PPP5C: variants seen among roughly 807,000 people sequenced by gnomAD.
PPP5C encodes the protein protein phosphatase 5 catalytic subunit, also known as serine/threonine-protein phosphatase 5.
In PPP5C, 21 loss-of-function variants were observed where a neutral mutation model predicts 66.7. The ratio of observed to expected loss-of-function variants is 0.31; its 90% CI spans 0.22 to 0.45. PPP5C has a LOEUF of 0.45. Ranked by LOEUF, PPP5C falls within the 20% of genes least tolerant of loss-of-function variation. The pLI, the probability that PPP5C is intolerant of heterozygous loss-of-function variation, is 1.00. For synonymous variants in PPP5C, 246 were observed against 257.4 expected (o/e 0.96, Z 0.43); for missense variants, 464 against 675.9 (o/e 0.69, Z 3.48).
chr19:46,390,646 G>GCC lies in PPP5C; in HGVS notation c.*305_*306dup, dbSNP rs145421809. 5 of 1,282,704 alleles carry GCC rather than the reference G, an allele frequency of 3.9e-6. No individual in the cohort carries two copies. The African/African-American group carries it at 7.6e-5, about 19-fold the overall frequency. 79.5% of individuals were successfully genotyped at this position (1,282,704 alleles called of 1,614,324 possible). On this transcript the variant is annotated 3_prime_UTR_variant, in exon 13 of 13. Coordinates refer to ENST00000012443, the MANE Select transcript of PPP5C (RefSeq NM_006247.4). ...TGGGGTGGGGCCGAGTGGCTGCCCT[G>GCC]CCCCCCTCATTTGCATGGCTCCTCC... is the stretch of plus-strand genomic sequence containing the variant.
At chr19:46,374,443 C>CA (rs528269791) in intron 2 of PPP5C, among the ~76,000 whole-genome samples, 1 of 151,858 alleles carries the variant, frequency 6.6e-6, no homozygotes, top group Non-Finnish European at 1.5e-5. Context: ...GCAGGTCAGA[C>CA]GGGGGTCTAC....
Position 46,376,199 on chromosome 19 carries a change from AT to A in PPP5C, c.512-253del, listed in dbSNP as rs1352381785. On this transcript the variant is annotated intron_variant, in intron 3 of 12. Coordinates refer to ENST00000012443, the MANE Select transcript of PPP5C (RefSeq NM_006247.4). This position sits in a 1 kb window ranked among gnomAD's most constrained non-coding sequence, Gnocchi z 5.1. ...TTCTAGGAGGGAGATAAGATGATGA[AT>A]AAGTCATGAAATGAATAGTGCTAAG... is the stretch of plus-strand genomic sequence containing the variant. 2.0e-5 allele frequency among the ~76,000 whole-genome samples: 3 copies of A among 152,154 alleles called. No homozygotes were observed. In the East Asian group the frequency reaches 5.8e-4, roughly 29 times the overall value.
At chr19:46,389,631 TGAA>T (rs1327657022) in intron 11 of PPP5C, among the ~76,000 whole-genome samples, 8 of 152,052 alleles carry the variant, frequency 5.3e-5, no homozygotes, top group South Asian at 4.2e-4. Flanking sequence ...ATTTATTTGT[TGAA>T]GAATAGGTTG....
At chr19:46,385,023 C>G in intron 7 of PPP5C, 114 bp downstream of exon 7, 1 of 817,344 alleles carries the variant, frequency 1.2e-6, no homozygotes, top group Non-Finnish European at 2.0e-6. Context: ...AGATCATGCA[C>G]AGGGCGACCT....
At chr19:46,351,773 T>A (rs754641042) in intron 1 of PPP5C, among the ~76,000 whole-genome samples, 7 of 152,196 alleles carry the variant, frequency 4.6e-5, no homozygotes, top group Non-Finnish European at 7.3e-5. Flanking sequence ...CTCCTGGGGC[T>A]TACAGCTCTG....
chr19:46,390,833 A>G lies in PPP5C; in HGVS notation c.*487A>G, dbSNP rs1973010140. On this transcript the variant is annotated 3_prime_UTR_variant, in exon 13 of 13. Coordinates refer to ENST00000012443, the MANE Select transcript of PPP5C (RefSeq NM_006247.4). ...TGTCTGTAATTAAATATGTTAAAAT[A>G]AAGTCATTATCGGAAGTCAGCTTGT... 1 of 1,129,448 alleles carries G rather than the reference A, an allele frequency of 8.9e-7. No individual in the cohort carries two copies. Among genetic ancestry groups the G allele is most frequent in the Non-Finnish European group, 1.1e-6 (1 of 909,042 alleles). The allele number at this position is 1,129,448 out of a possible 1,614,324, so 70.0% of individuals were successfully genotyped here.
chr19:46,353,114 T>A (rs1017515223), intron 1 of PPP5C, among the ~76,000 whole-genome samples: 1 of 152,208 alleles, frequency 6.6e-6, no homozygotes, highest in African/African-American at 2.4e-5. Flanking sequence ...ACAGGGCATT[T>A]GACCTTGAGC....
At chr19:46,387,515 T>G in intron 9 of PPP5C, 62 bp downstream of exon 9, 1 of 1,613,446 alleles carries the variant, frequency 6.2e-7, no homozygotes. Flanking sequence ...AGCTCTCCCC[T>G]GCAACCCAGC....
intron 2 of PPP5C, among the ~76,000 whole-genome samples, chr19:46,354,481 G>A (rs1278053333): frequency 6.6e-6 from 1 of 152,114 alleles, no homozygotes; most frequent in African/African-American, 2.4e-5. Flanking sequence ...TTGCAGGTGA[G>A]GATCTGCACT....
chr19:46,371,881 C>T (rs941542654), intron 2 of PPP5C, among the ~76,000 whole-genome samples: 7 of 152,124 alleles, frequency 4.6e-5, no homozygotes, highest in African/African-American at 9.7e-5. Flanking sequence ...TTCAGAATGC[C>T]CTGTTACACC....
chr19:46,390,360 G>T lies in PPP5C; in HGVS notation c.*14G>T. On this transcript the variant is annotated 3_prime_UTR_variant, in exon 13 of 13. Coordinates refer to ENST00000012443, the MANE Select transcript of PPP5C (RefSeq NM_006247.4). ...GGAATGATGTGAGGTGACGGGCGGG[G>T]CGGCCTGCATCCCAGGGCCCCTCCA... The T allele has an allele frequency of 6.4e-7, 1 of 1,564,294 alleles. No homozygotes were observed. The highest frequency in any genetic ancestry group is 8.7e-7 in the Non-Finnish European group (1 of 1,154,432).
In PPP5C at chr19:46,347,222, G is replaced by T; in HGVS notation, c.121+5G>T. 6.2e-7 allele frequency: 1 copy of T among 1,601,086 alleles called. No individual in the cohort carries two copies. The highest frequency in any genetic ancestry group is 1.1e-5 in the South Asian group (1 of 89,126). On this transcript the variant is annotated splice_donor_5th_base_variant and intron_variant, in intron 1 of 12. Coordinates refer to ENST00000012443, the MANE Select transcript of PPP5C (RefSeq NM_006247.4). The stretch of plus-strand genomic sequence containing the variant: ...AGGCCAATGACTACTTCAAAGGTGC[G>T]CCCGCCTGGCAGGGAGGGTGGACAG...
At chr19:46,384,934 G>A (rs369612742) in intron 7 of PPP5C, 25 bp downstream of exon 7, 9 of 1,580,954 alleles carry the variant, frequency 5.7e-6, no homozygotes, top group African/African-American at 1.3e-5. Flanking sequence ...GACAAGGTTT[G>A]GGTTCATTGT....
Position 46,387,388 on chromosome 19 carries a change from G to A in PPP5C, c.1070G>A (p.Ser357Asn), listed in dbSNP as rs1972908938. ...CAGATCATGCACGGAGGCCTGTTCA[G>A]TGAAGACGGTGTCACCCTGGATGAC... Reference protein sequence around the residue: ...KVLIMHGGLFSEDGVTLDDIR... With the variant: ...KVLIMHGGLFNEDGVTLDDIR... Residue 357 changes from serine (S) to asparagine (N), a missense_variant, in exon 9 of 13, where the codon AGT (serine) becomes AAT (asparagine). Ser to Asn is a conservative substitution (Grantham distance 46). Transcript: ENST00000012443. The A allele has an allele frequency of 3.1e-6, 5 of 1,611,148 alleles. No homozygotes were observed. Among genetic ancestry groups the A allele is most frequent in the Non-Finnish European group, 4.2e-6 (5 of 1,177,570 alleles).
chr19:46,354,572 T>C (rs759401254), intron 2 of PPP5C, among the ~76,000 whole-genome samples: 20 of 151,954 alleles, frequency 1.3e-4, no homozygotes, highest in African/African-American at 4.1e-4. Context: ...GGTGAGAGGA[T>C]TGCTTGAGCC....
At chr19:46,380,550 A>T (rs1484118417) in intron 4 of PPP5C, among the ~76,000 whole-genome samples, 1 of 152,160 alleles carries the variant, frequency 6.6e-6, no homozygotes, top group Non-Finnish European at 1.5e-5. Context: ...TCTATCTGGT[A>T]TCATGCCCCT....
chr19:46,361,089 T>G (rs1200567615), intron 2 of PPP5C, among the ~76,000 whole-genome samples: 1 of 152,034 alleles, frequency 6.6e-6, no homozygotes, highest in Non-Finnish European at 1.5e-5. Context: ...TTTGTTTTGT[T>G]TTGTGTTTTG....
chr19:46,361,073 G>A (rs1362886392), intron 2 of PPP5C, among the ~76,000 whole-genome samples: 1 of 151,068 alleles, frequency 6.6e-6, no homozygotes, highest in Non-Finnish European at 1.5e-5. Flanking sequence ...TTTGTTTTTT[G>A]GGATTTTTGT....
chr19:46,389,897 G>A (rs1489954701), intron 11 of PPP5C, among the ~76,000 whole-genome samples, 154 bp from the exon 12 acceptor site: 1 of 148,638 alleles, frequency 6.7e-6, no homozygotes, highest in Non-Finnish European at 1.5e-5. Flanking sequence ...CCCTGGATTC[G>A]TCTTTCCCAT....
Sources: gnomAD v4.1 joint callset for allele counts (sites outside exome capture counted in the v4.1 genomes callset) on GRCh38, gnomAD v4.1.1 for gene constraint, Gnocchi (gnomAD v3.1) non-coding constraint, MANE v1.5 for transcripts, NCBI Gene and HGNC (gene_info 2026-07-23, HGNC 2026-07-21) for gene names.